ERBB4: variants seen among roughly 807,000 people sequenced by gnomAD.
ERBB4 encodes the protein receptor tyrosine-protein kinase erbB-4.
ERBB4 carries 42 observed loss-of-function variants against 158.0 expected under a neutral mutation model. The ratio of observed to expected loss-of-function variants is 0.27; its 90% CI spans 0.21 to 0.34. The LOEUF is 0.34. Among genes scored for constraint, ERBB4 ranks in the 10% least tolerant of loss-of-function variants. ERBB4 has a pLI of 1.00. For missense variants in ERBB4, 1,333 were observed against 1,624.1 expected (o/e 0.82, Z 3.08); for synonymous variants, 583 against 558.7 (o/e 1.04, Z -0.61).
intron 3 of ERBB4, among the ~76,000 whole-genome samples, chr2:211,827,808 A>C (rs2077136303): frequency 6.6e-6 from 1 of 152,050 alleles, no homozygotes; most frequent in Non-Finnish European, 1.5e-5. Flanking sequence ...CATAATATTT[A>C]CAACATATGC....
intron 20 of ERBB4, among the ~76,000 whole-genome samples, chr2:211,504,058 T>A (rs1282476881): frequency 6.6e-6 from 1 of 151,886 alleles, no homozygotes; most frequent in Non-Finnish European, 1.5e-5. Context: ...GGCTGGGAGG[T>A]CAAACTGCAG....
chr2:212,531,220 T>C (rs1374759831), intron 1 of ERBB4, among the ~76,000 whole-genome samples: 2 of 152,082 alleles, frequency 1.3e-5, no homozygotes, highest in African/African-American at 4.8e-5. Flanking sequence ...AAACTTCCCT[T>C]CTTTCACATG....
chr2:211,390,342 T>C (rs554200165), intron 25 of ERBB4, among the ~76,000 whole-genome samples: 14 of 152,314 alleles, frequency 9.2e-5, no homozygotes, highest in African/African-American at 3.4e-4. Flanking sequence ...AAGGCAAGAA[T>C]GAAACAAGGC....
intron 1 of ERBB4, among the ~76,000 whole-genome samples, chr2:212,270,450 T>G (rs1263447570): frequency 1.3e-5 from 2 of 151,730 alleles, no homozygotes; most frequent in Non-Finnish European, 2.9e-5. Context: ...ATTCTCTCAG[T>G]GATTCCTCCT....
intron 20 of ERBB4, among the ~76,000 whole-genome samples, chr2:211,460,942 T>C (rs2064514205): frequency 6.6e-6 from 1 of 152,210 alleles, no homozygotes; most frequent in Non-Finnish European, 1.5e-5. Flanking sequence ...GGTATATTGC[T>C]CTTCTCTTTG....
At chr2:211,693,561 C>A (rs1289252052) in intron 12 of ERBB4, among the ~76,000 whole-genome samples, 1 of 152,102 alleles carries the variant, frequency 6.6e-6, no homozygotes, top group African/African-American at 2.4e-5. Context: ...TCTCAAATGT[C>A]TTTTTGACTA....
At chr2:212,013,843 A>G (rs1286998236) in intron 2 of ERBB4, among the ~76,000 whole-genome samples, 1 of 152,184 alleles carries the variant, frequency 6.6e-6, no homozygotes, top group Non-Finnish European at 1.5e-5. Context: ...CCTCTGAAGG[A>G]ACCATGGCCC....
chr2:212,391,495 C>A (rs1033977193), intron 1 of ERBB4, among the ~76,000 whole-genome samples: 2 of 150,350 alleles, frequency 1.3e-5, no homozygotes, highest in Non-Finnish European at 3.0e-5. Flanking sequence ...TGAATTTTAA[C>A]CCCTAAACTA....
intron 20 of ERBB4, among the ~76,000 whole-genome samples, chr2:211,485,736 G>C (rs1347904000): frequency 6.6e-6 from 1 of 151,068 alleles, no homozygotes; most frequent in Non-Finnish European, 1.5e-5. Context: ...GAGGGATAGC[G>C]TTAGGAGATA....
At chr2:212,491,291 T>C (rs879294961) in intron 1 of ERBB4, among the ~76,000 whole-genome samples, 1 of 151,644 alleles carries the variant, frequency 6.6e-6, no homozygotes, top group Non-Finnish European at 1.5e-5. Context: ...ATAATAAGAA[T>C]TCATTTTGTT....
At chr2:212,399,763 C>T (rs1416899292) in intron 1 of ERBB4, among the ~76,000 whole-genome samples, 1 of 149,944 alleles carries the variant, frequency 6.7e-6, no homozygotes, top group East Asian at 2.0e-4. Flanking sequence ...CCTGTAGTCC[C>T]AGCTGCTCAG....
intron 3 of ERBB4, among the ~76,000 whole-genome samples, chr2:211,848,721 G>A (rs1235329005): frequency 1.3e-5 from 2 of 152,008 alleles, no homozygotes; most frequent in Admixed American, 1.3e-4. Flanking sequence ...TAGAGATTAG[G>A]CACCTGGAAG....
chr2:212,175,473 G>T (rs1055273042), intron 1 of ERBB4, among the ~76,000 whole-genome samples: 3 of 151,854 alleles, frequency 2.0e-5, no homozygotes, highest in African/African-American at 7.3e-5. Flanking sequence ...CCATGTACTA[G>T]ATTTTCTATC....
At chr2:212,346,340 G>A (rs1169484239) in intron 1 of ERBB4, among the ~76,000 whole-genome samples, 2 of 151,698 alleles carry the variant, frequency 1.3e-5, no homozygotes, top group African/African-American at 2.4e-5. Context: ...AATTGGCAAA[G>A]AACGTGAAGT....
intron 1 of ERBB4, among the ~76,000 whole-genome samples, chr2:212,515,891 CT>C (rs1378877769): frequency 6.6e-6 from 1 of 151,800 alleles, no homozygotes; most frequent in African/African-American, 2.4e-5. Flanking sequence ...TTATCTCCAG[CT>C]TCTTAAACAT....
intron 1 of ERBB4, among the ~76,000 whole-genome samples, chr2:212,174,660 T>G (rs2081608591): frequency 6.6e-6 from 1 of 152,066 alleles, no homozygotes; most frequent in Admixed American, 6.6e-5. Flanking sequence ...ACACAGGGAC[T>G]TATTGTTTGG....
intron 1 of ERBB4, among the ~76,000 whole-genome samples, chr2:212,510,138 G>GTA (rs10645606): frequency 0.023 from 3,298 of 145,962 alleles, 48 homozygotes; most frequent in South Asian, 0.046. Flanking sequence ...AGATGTGTGT[G>GTA]TATATATATA....
intron 25 of ERBB4, among the ~76,000 whole-genome samples, chr2:211,404,034 C>T (rs187964723): frequency 5.9e-5 from 9 of 152,096 alleles, no homozygotes; most frequent in South Asian, 2.1e-4. Context: ...TTAGTATTTA[C>T]GTAATTATGT....
intron 4 of ERBB4, among the ~76,000 whole-genome samples, chr2:211,787,759 C>T (rs754777509): frequency 3.3e-5 from 5 of 151,932 alleles, no homozygotes; most frequent in Admixed American, 1.3e-4. Flanking sequence ...CACATTTGTA[C>T]ATTGGAAGTA....
Sources: gnomAD v4.1 joint callset for allele counts (sites outside exome capture counted in the v4.1 genomes callset) on GRCh38, gnomAD v4.1.1 for gene constraint, MANE v1.5 for transcripts, NCBI Gene and HGNC (gene_info 2026-07-23, HGNC 2026-07-21) for gene names.